Variants in MARK2 observed in about 807,000 individuals in gnomAD.
MARK2 encodes the protein serine/threonine-protein kinase MARK2.
In MARK2, 16 loss-of-function variants were observed where a neutral mutation model predicts 89.8. The observed-to-expected ratio is 0.18, with a 90% CI of 0.12 to 0.27. The LOEUF is 0.27. Ranked by LOEUF, MARK2 falls within the 10% of genes least tolerant of loss-of-function variation. The pLI is 1.00. For missense variants in MARK2, 621 were observed against 1,049.9 expected (o/e 0.59, Z 5.65); for synonymous variants, 382 against 399.5 (o/e 0.96, Z 0.52).
intron 1 of MARK2, among the ~76,000 whole-genome samples, chr11:63,894,359 A>G (rs913643462): frequency 2.0e-5 from 3 of 152,226 alleles, no homozygotes; most frequent in Admixed American, 1.3e-4. Context: ...GACTTCGGCC[A>G]TGCAGTCCTT....
At chr11:63,888,540 T>C (rs867510578) in intron 1 of MARK2, 3 of 1,022,816 alleles carry the variant, frequency 2.9e-6, no homozygotes, top group South Asian at 6.7e-5. Context: ...CCTCTTTCTC[T>C]GTCTCCCTTC....
intron 3 of MARK2, among the ~76,000 whole-genome samples, chr11:63,896,979 C>T (rs1372338421): frequency 6.6e-6 from 1 of 152,190 alleles, no homozygotes; most frequent in Non-Finnish European, 1.5e-5. Context: ...GGCACCAACA[C>T]CAGACAAATA....
At chr11:63,852,753 A>T (rs1409321152) in intron 1 of MARK2, among the ~76,000 whole-genome samples, 2 of 152,130 alleles carry the variant, frequency 1.3e-5, no homozygotes, top group Non-Finnish European at 2.9e-5. Context: ...AATGTACCTT[A>T]CTGCGTCTTA....
intron 16 of MARK2, among the ~76,000 whole-genome samples, chr11:63,905,295 G>A (rs1202512351): frequency 3.3e-5 from 5 of 152,172 alleles, no homozygotes; most frequent in Admixed American, 6.5e-5. Context: ...GCAGATGGCC[G>A]ATGCCGCCTC....
rs975130238 is a variant in MARK2, at chr11:63,902,996, G to C, written c.1417-65G>C. On this transcript the variant is annotated intron_variant, in intron 13 of 18. Transcript: ENST00000402010. This position sits in a 1 kb window ranked among gnomAD's most constrained non-coding sequence, Gnocchi z 4.2. Reference sequence around the variant, plus strand: ...CAGGAAGCCTGTTCCATGAACCTGGGGGGAGAACCTGGCTGTAGACCACTT... The same window carrying C: ...CAGGAAGCCTGTTCCATGAACCTGGCGGGAGAACCTGGCTGTAGACCACTT... 1 of 1,395,422 alleles carries C rather than the reference G, an allele frequency of 7.2e-7. No individual in the cohort carries two copies. The highest frequency in any genetic ancestry group is 1.4e-5 in the African/African-American group (1 of 70,672). 86.4% of individuals were successfully genotyped at this position (1,395,422 alleles called of 1,614,324 possible).
intron 1 of MARK2, among the ~76,000 whole-genome samples, chr11:63,853,679 A>G (rs1183631271): frequency 1.3e-5 from 2 of 152,310 alleles, no homozygotes; most frequent in South Asian, 2.1e-4. Context: ...TGGTGGAGAA[A>G]ACTGCTGACG....
chr11:63,860,037 T>G (rs1937656998), intron 1 of MARK2, among the ~76,000 whole-genome samples: 1 of 152,234 alleles, frequency 6.6e-6, no homozygotes, highest in East Asian at 1.9e-4. Flanking sequence ...TGTAGCAGTG[T>G]GTGAACTTTG....
intron 1 of MARK2, chr11:63,850,035 T>G (rs1251005798): frequency 6.6e-6 from 1 of 152,026 alleles, no homozygotes; most frequent in Non-Finnish European, 1.5e-5. Flanking sequence ...TCTAGGTCAG[T>G]ATAAGGGGTG....
intron 1 of MARK2, among the ~76,000 whole-genome samples, chr11:63,871,340 G>A (rs1443011794): frequency 6.6e-6 from 1 of 151,938 alleles, no homozygotes; most frequent in African/African-American, 2.4e-5. Flanking sequence ...TGGGTGAAGA[G>A]TATTCACCGT....
Position 63,900,702 on chromosome 11 carries a change from G to A in MARK2, c.888+24G>A, listed in dbSNP as rs572896099. Reference sequence around the variant, plus strand: ...AGGTGAGCAGTGGAGCCCAACTGGCGGAAGGGCCTGGGGTCCCCACAGAAA... The same window carrying A: ...AGGTGAGCAGTGGAGCCCAACTGGCAGAAGGGCCTGGGGTCCCCACAGAAA... On this transcript the variant is annotated intron_variant, in intron 9 of 18. Transcript: ENST00000402010. This position sits in a 1 kb window ranked among gnomAD's most constrained non-coding sequence, Gnocchi z 4.7. 24 of 1,613,858 alleles carry A rather than the reference G, an allele frequency of 1.5e-5. No homozygotes were observed. Among genetic ancestry groups the A allele is most frequent in the African/African-American group, 4.0e-5 (3 of 75,044 alleles).
At chr11:63,855,321 C>A (rs929715292) in intron 1 of MARK2, among the ~76,000 whole-genome samples, 1 of 152,086 alleles carries the variant, frequency 6.6e-6, no homozygotes, top group Admixed American at 6.6e-5. Flanking sequence ...AAGTTCAAGA[C>A]CAGCCTCTGC....
chr11:63,910,328 T>A lies in MARK2; in HGVS notation c.*1091T>A, dbSNP rs1299907931. 1.3e-5 allele frequency: 2 copies of A among 152,488 alleles called. No homozygotes were observed. Among genetic ancestry groups the A allele is most frequent in the Non-Finnish European group, 2.9e-5 (2 of 68,246 alleles). The allele number at this position is 152,488 out of a possible 1,614,324, so 9.4% of individuals were successfully genotyped here. On this transcript the variant is annotated 3_prime_UTR_variant, in exon 19 of 19. Coordinates refer to ENST00000402010, the MANE Select transcript of MARK2 (RefSeq NM_001039469.3). The stretch of plus-strand genomic sequence containing the variant: ...CAGCCTTGCCTTTTCTTCCTGACAC[T>A]GTCGCCCCCTCCTCTCAGGAGACAC...
chr11:63,887,646 A>G (rs1297240525), intron 1 of MARK2, among the ~76,000 whole-genome samples: 1 of 152,208 alleles, frequency 6.6e-6, no homozygotes, highest in Non-Finnish European at 1.5e-5. Context: ...AGCCTAGCCT[A>G]GAATAGGGGA....
chr11:63,909,400 G>C lies in MARK2; in HGVS notation c.*163G>C. 1 of 696,340 alleles carries C rather than the reference G, an allele frequency of 1.4e-6. No individual in the cohort carries two copies. The highest frequency in any genetic ancestry group is 2.2e-6 in the Non-Finnish European group (1 of 448,886). The allele number at this position is 696,340 out of a possible 1,614,324, so 43.1% of individuals were successfully genotyped here. A position where few individuals can be genotyped will look rare whatever the true frequency, so the allele number is the denominator to read the frequency against. On this transcript the variant is annotated 3_prime_UTR_variant, in exon 19 of 19. Coordinates refer to ENST00000402010, the MANE Select transcript of MARK2 (RefSeq NM_001039469.3). ...CTCAGTTTTCTCTTACATGTTTGTG[G>C]GGGGTGGGAGATTGTTCTCCAGCAC...
At chr11:63,844,930 G>T (rs1405206655) in intron 1 of MARK2, among the ~76,000 whole-genome samples, 1 of 152,184 alleles carries the variant, frequency 6.6e-6, no homozygotes, top group Non-Finnish European at 1.5e-5. Context: ...ATGTCGACTT[G>T]AATGAATATT....
intron 3 of MARK2, among the ~76,000 whole-genome samples, chr11:63,895,975 G>A (rs1940365613): frequency 6.6e-6 from 1 of 151,898 alleles, no homozygotes; most frequent in African/African-American, 2.4e-5. Flanking sequence ...CAGCCCACCT[G>A]TCCCTTTCTA....
rs1381280253 is a variant in MARK2, at chr11:63,909,585, A to G, written c.*348A>G. 1 of 177,464 alleles carries G rather than the reference A, an allele frequency of 5.6e-6. No homozygotes were observed. Among genetic ancestry groups the G allele is most frequent in the Non-Finnish European group, 1.2e-5 (1 of 84,802 alleles). The allele number at this position is 177,464 out of a possible 1,614,324, so 11.0% of individuals were successfully genotyped here. A position where few individuals can be genotyped will look rare whatever the true frequency, so the allele number is the denominator to read the frequency against. On this transcript the variant is annotated 3_prime_UTR_variant, in exon 19 of 19. Transcript: ENST00000402010. ...AATTTTTTATTACCAAAAAGAAAAAAGAAAAAAAAAATCCCAGCGGCCACC... is the reference window on the plus strand; with the variant it reads ...AATTTTTTATTACCAAAAAGAAAAAGGAAAAAAAAAATCCCAGCGGCCACC...
At chr11:63,858,515 G>T (rs1328302289) in intron 1 of MARK2, among the ~76,000 whole-genome samples, 1 of 151,904 alleles carries the variant, frequency 6.6e-6, no homozygotes, top group African/African-American at 2.4e-5. Context: ...CACCACACCC[G>T]GCTAATTTTT....
At chr11:63,894,035 C>T (rs145224443) in intron 1 of MARK2, among the ~76,000 whole-genome samples, 314 of 152,318 alleles carry the variant, frequency 2.1e-3, no homozygotes, top group African/African-American at 6.9e-3. Flanking sequence ...CTCTTCAGTG[C>T]TGGTAGTTGT....
Sources: allele counts gnomAD v4.1 joint callset (sites outside exome capture counted in the v4.1 genomes callset), GRCh38; gene constraint gnomAD v4.1.1; non-coding constraint Gnocchi (gnomAD v3.1); transcripts MANE v1.5; gene names NCBI Gene and HGNC (gene_info 2026-07-23, HGNC 2026-07-21).